DLGAP2: variants seen among roughly 807,000 people sequenced by gnomAD.
DLGAP2 encodes the protein DLG associated protein 2, also known as disks large-associated protein 2.
Under a neutral mutation model 100.3 loss-of-function variants are expected in DLGAP2, and 26 were observed. The observed-to-expected ratio is 0.26, with a 90% CI of 0.19 to 0.36. The LOEUF (loss-of-function observed/expected upper bound fraction) is 0.36. Ranked by LOEUF, DLGAP2 falls within the 10% of genes least tolerant of loss-of-function variation. DLGAP2 has a pLI of 1.00. For missense variants in DLGAP2, 1,858 were observed against 1,453.2 expected (o/e 1.28, Z -4.53); for synonymous variants, 886 against 630.1 (o/e 1.41, Z -6.08).
chr8:1,598,894 C>G lies in DLGAP2; in HGVS notation c.1443-27846C>G, dbSNP rs950816375. On this transcript the variant is annotated intron_variant, in intron 6 of 14. Transcript: ENST00000637795. ...AGTTCTTCTCTAATCTGAGTTATTT[C>G]TTGTCTTATCTTAGCTTTTGAATTT... is the stretch of plus-strand genomic sequence containing the variant. 2.6e-5 allele frequency among the ~76,000 whole-genome samples: 4 copies of G among 151,986 alleles called. No homozygotes were observed. In the East Asian group the frequency reaches 7.7e-4, roughly 29 times the overall value.
intron 3 of DLGAP2, among the ~76,000 whole-genome samples, chr8:1,330,723 C>CA: frequency 1.6e-5 from 2 of 128,680 alleles, no homozygotes; most frequent in African/African-American, 6.5e-5. Flanking sequence ...GGTGGGAGCG[C>CA]CACTTCACCA....
chr8:1,131,371 G>A lies in DLGAP2; in HGVS notation c.74-127480G>A, dbSNP rs115386648. On this transcript the variant is annotated intron_variant, in intron 2 of 14. Transcript: ENST00000637795. ...TCCAGATCCACGTGCCGGCAGGTGG[G>A]GTTCCTGGTGGGAACCTTCTCCCTG... Among the ~76,000 whole-genome samples the A allele has an allele frequency of 2.8e-3, 430 of 152,266 alleles. 2 individuals are homozygous for A. Among genetic ancestry groups the A allele is most frequent in the African/African-American group, 9.8e-3 (407 of 41,546 alleles).
At chr8:1,528,979 G>A (rs797006539) in intron 4 of DLGAP2, among the ~76,000 whole-genome samples, 22 of 152,320 alleles carry the variant, frequency 1.4e-4, no homozygotes, top group African/African-American at 5.3e-4. Context: ...ATGTTCACGT[G>A]ATATTTAACC....
chr8:1,637,041 A>G (rs1797783003), intron 8 of DLGAP2, among the ~76,000 whole-genome samples: 1 of 152,174 alleles, frequency 6.6e-6, no homozygotes, highest in African/African-American at 2.4e-5. Context: ...ACCCCAGAGG[A>G]GGAATACCCG....
intron 3 of DLGAP2, among the ~76,000 whole-genome samples, chr8:1,310,058 C>CA (rs3052029): frequency 0.077 from 8,114 of 105,410 alleles, 794 homozygotes; most frequent in African/African-American, 0.23. Context: ...GTCTCCATCT[C>CA]AAAAAAAAAA....
chr8:1,560,084 G>C (rs532995743), intron 5 of DLGAP2, among the ~76,000 whole-genome samples: 2 of 152,264 alleles, frequency 1.3e-5, no homozygotes, highest in African/African-American at 4.8e-5. Flanking sequence ...AAAAATAAGG[G>C]TGTTTATTAC....
At chr8:1,213,760 T>A (rs1428218156) in intron 2 of DLGAP2, among the ~76,000 whole-genome samples, 1 of 152,220 alleles carries the variant, frequency 6.6e-6, no homozygotes, top group Non-Finnish European at 1.5e-5. Flanking sequence ...AAGTGCTTTC[T>A]GGACACCAGC....
intron 2 of DLGAP2, among the ~76,000 whole-genome samples, chr8:1,085,920 G>T (rs1803960328): frequency 5.3e-5 from 8 of 152,210 alleles, no homozygotes; most frequent in Admixed American, 5.2e-4. Context: ...CTATTTATTT[G>T]TATCTTCAGT....
At chr8:1,048,170 A>G (rs1202399170) in intron 2 of DLGAP2, among the ~76,000 whole-genome samples, 1 of 152,148 alleles carries the variant, frequency 6.6e-6, no homozygotes, top group African/African-American at 2.4e-5. Flanking sequence ...AACTGGATAG[A>G]ACTGGCCTGC....
chr8:1,178,416 G>T (rs574831245), intron 2 of DLGAP2, among the ~76,000 whole-genome samples: 6 of 152,118 alleles, frequency 3.9e-5, no homozygotes, highest in Admixed American at 2.0e-4. Flanking sequence ...TGGATTTGGG[G>T]GTTGGTGCCC....
intron 1 of DLGAP2, among the ~76,000 whole-genome samples, chr8:824,215 T>A (rs1796643613): frequency 6.6e-6 from 1 of 152,006 alleles, no homozygotes; most frequent in African/African-American, 2.4e-5. Context: ...GCTGGGCCTA[T>A]AAGTACTTGC....
chr8:1,437,117 C>G lies in DLGAP2; in HGVS notation c.107-64249C>G, dbSNP rs999186520. Reference sequence around the variant, plus strand: ...GACGCCATCCGGGTCTCCGTTCAGCCCAGGCGCGTAAGGGTGACGCCATCC... The same window carrying G: ...GACGCCATCCGGGTCTCCGTTCAGCGCAGGCGCGTAAGGGTGACGCCATCC... On this transcript the variant is annotated intron_variant, in intron 3 of 14. Transcript: ENST00000637795. 4.6e-5 allele frequency among the ~76,000 whole-genome samples: 7 copies of G among 150,698 alleles called. No individual in the cohort carries two copies. The East Asian group carries it at 1.0e-3, about 22-fold the overall frequency.
intron 2 of DLGAP2, among the ~76,000 whole-genome samples, chr8:1,197,633 A>G (rs7002777): frequency 1.2e-5 from 1 of 84,494 alleles, no homozygotes; most frequent in African/African-American, 5.8e-5. Flanking sequence ...AGCTGTCCAT[A>G]TAAACCTGAG....
rs1381692927 is a variant in DLGAP2, at chr8:1,049,468, GAAT to G, written c.73+141504_73+141506del. ...AAACACCCTGCTTAACGTCACACGG[GAAT>G]ACAATTTACCCTTTTATCCTTTATT... On this transcript the variant is annotated intron_variant, in intron 2 of 14. Transcript: ENST00000637795. Among the ~76,000 whole-genome samples the G allele has an allele frequency of 3.1e-4, 47 of 152,120 alleles. 1 individual carries two copies. In the East Asian group the frequency reaches 8.9e-3, roughly 29 times the overall value.
At chr8:912,321 A>C (rs1798501954) in intron 2 of DLGAP2, among the ~76,000 whole-genome samples, 1 of 152,208 alleles carries the variant, frequency 6.6e-6, no homozygotes, top group Admixed American at 6.5e-5. Context: ...AGTTGGGTGG[A>C]AAGGTTTCAC....
chr8:919,172 C>T (rs1487823031), intron 2 of DLGAP2, among the ~76,000 whole-genome samples: 4 of 152,070 alleles, frequency 2.6e-5, no homozygotes, highest in South Asian at 2.1e-4. Flanking sequence ...TTATTTGACC[C>T]GAAATGGAAA....
At chr8:1,536,335 C>A (rs1377276191) in intron 4 of DLGAP2, among the ~76,000 whole-genome samples, 1 of 152,134 alleles carries the variant, frequency 6.6e-6, no homozygotes, top group Non-Finnish European at 1.5e-5. Flanking sequence ...AAATCAGCAC[C>A]ATGCCGACGA....
chr8:1,316,981 G>A (rs1800769667), intron 3 of DLGAP2, among the ~76,000 whole-genome samples: 1 of 81,522 alleles, frequency 1.2e-5, no homozygotes. Flanking sequence ...TGCAAGTGCA[G>A]CATCTCTCCA....
At chr8:936,194 G>C (rs893178767) in intron 2 of DLGAP2, among the ~76,000 whole-genome samples, 1 of 152,166 alleles carries the variant, frequency 6.6e-6, no homozygotes, top group Non-Finnish European at 1.5e-5. Context: ...CTCTGTAGGA[G>C]TCTGTGTGGC....
Sources: gnomAD v4.1 joint callset for allele counts (sites outside exome capture counted in the v4.1 genomes callset) on GRCh38, gnomAD v4.1.1 for gene constraint, MANE v1.5 for transcripts, NCBI Gene and HGNC (gene_info 2026-07-23, HGNC 2026-07-21) for gene names.